The following MAGI2 variants were observed in gnomAD, a reference collection of about 807,000 sequenced individuals.
The protein encoded by MAGI2 is membrane-associated guanylate kinase, WW and PDZ domain-containing protein 2.
In MAGI2, 35 loss-of-function variants were observed where a neutral mutation model predicts 133.3. That is an observed-to-expected ratio of 0.26 (90% CI 0.20 to 0.35). MAGI2 has a LOEUF of 0.35. MAGI2 is among the 10% of genes least tolerant of loss of function. MAGI2 has a pLI of 1.00. For synonymous variants in MAGI2, 729 were observed against 710.6 expected (o/e 1.03, Z -0.41); for missense variants, 1,636 against 1,863.4 (o/e 0.88, Z 2.25).
intron 1 of MAGI2, among the ~76,000 whole-genome samples, chr7:79,179,415 GAAAAAACAATC>G (rs1562967322): frequency 1.3e-5 from 2 of 151,732 alleles, no homozygotes; most frequent in Non-Finnish European, 2.9e-5. Flanking sequence ...CACAGAAATA[GAAAAAACAATC>G]ATACAATTCA....
At chr7:78,855,460 T>G (rs1375963691) in intron 2 of MAGI2, among the ~76,000 whole-genome samples, 1 of 152,080 alleles carries the variant, frequency 6.6e-6, no homozygotes, top group Admixed American at 6.6e-5. Flanking sequence ...TGTATCCAAG[T>G]GTTCTCATTG....
Position 78,720,888 on chromosome 7 carries a change from G to A in MAGI2, c.419-93649C>T, listed in dbSNP as rs186577406. ...AGGATATAAAAATAGCAAGTGTGAT[G>A]AATGGATCATAAAATTGTTCCTTCT... is the stretch of plus-strand genomic sequence containing the variant. On this transcript the variant is annotated intron_variant, in intron 2 of 21. Coordinates refer to ENST00000354212, the MANE Select transcript of MAGI2 (RefSeq NM_012301.4). Among the ~76,000 whole-genome samples, 10 of 152,204 alleles carry A rather than the reference G, an allele frequency of 6.6e-5. No individual in the cohort carries two copies. In the East Asian group the frequency reaches 1.9e-3, roughly 29 times the overall value.
intron 6 of MAGI2, among the ~76,000 whole-genome samples, chr7:78,414,126 G>A (rs948340620): frequency 6.6e-6 from 1 of 151,902 alleles, no homozygotes; most frequent in Non-Finnish European, 1.5e-5. Context: ...GTTGATGTAT[G>A]GAAATATTTA....
chr7:78,869,420 C>G (rs10266354), intron 2 of MAGI2, among the ~76,000 whole-genome samples: 2,485 of 152,206 alleles, frequency 0.016, 65 homozygotes, highest in African/African-American at 0.056. Flanking sequence ...AGATGAGAAT[C>G]TAGTTTCATT....
chr7:79,290,049 T>C (rs1836342279), intron 1 of MAGI2, among the ~76,000 whole-genome samples: 1 of 152,080 alleles, frequency 6.6e-6, no homozygotes. Flanking sequence ...ATACAAAATC[T>C]ATATGCCCAG....
At chr7:79,414,367 G>C (rs1443084694) in intron 1 of MAGI2, 1 of 151,916 alleles carries the variant, frequency 6.6e-6, no homozygotes, top group East Asian at 1.9e-4. Flanking sequence ...TGTTTTTACT[G>C]CTTGGCAGAG....
chr7:78,458,394 A>G (rs1165117069), intron 6 of MAGI2, among the ~76,000 whole-genome samples: 1 of 152,064 alleles, frequency 6.6e-6, no homozygotes, highest in African/African-American at 2.4e-5. Flanking sequence ...ACAGGCTTGA[A>G]GGGCAGTCAC....
chr7:79,376,615 G>C (rs970988829), intron 1 of MAGI2, among the ~76,000 whole-genome samples: 11 of 151,830 alleles, frequency 7.2e-5, no homozygotes, highest in Non-Finnish European at 1.3e-4. Flanking sequence ...TAGATGCCTG[G>C]GACAAAGGGA....
intron 1 of MAGI2, among the ~76,000 whole-genome samples, chr7:79,121,854 C>T (rs1282371425): frequency 6.6e-6 from 1 of 152,170 alleles, no homozygotes; most frequent in Admixed American, 6.5e-5. Context: ...AAGAAAATGA[C>T]ATAATGACCC....
chr7:78,114,513 G>A (rs1244475385), intron 20 of MAGI2, among the ~76,000 whole-genome samples: 3 of 152,222 alleles, frequency 2.0e-5, no homozygotes, highest in Admixed American at 2.0e-4. Context: ...CAGGATATGA[G>A]CAAGCTATGA....
intron 1 of MAGI2, among the ~76,000 whole-genome samples, chr7:79,141,733 C>T (rs1372570964): frequency 1.3e-5 from 2 of 151,014 alleles, no homozygotes; most frequent in Non-Finnish European, 1.5e-5. Context: ...GTTGAATTCT[C>T]GTTGGCTTTG....
chr7:78,732,269 C>T (rs745469792), intron 2 of MAGI2, among the ~76,000 whole-genome samples: 1 of 152,042 alleles, frequency 6.6e-6, no homozygotes, highest in South Asian at 2.1e-4. Flanking sequence ...TATTTCATCA[C>T]CTAGTTTTTG....
chr7:78,590,401 C>T (rs1306192460), intron 3 of MAGI2, among the ~76,000 whole-genome samples: 1 of 152,210 alleles, frequency 6.6e-6, no homozygotes, highest in Non-Finnish European at 1.5e-5. Flanking sequence ...CTTGGGTCAT[C>T]TTTACAAATT....
At chr7:79,388,792 G>A (rs991603996) in intron 1 of MAGI2, among the ~76,000 whole-genome samples, 3 of 150,048 alleles carry the variant, frequency 2.0e-5, no homozygotes, top group Non-Finnish European at 4.4e-5. Flanking sequence ...TTCAATATAT[G>A]TCTTGAAATC....
At chr7:78,268,848 C>T (rs1424102024) in intron 9 of MAGI2, among the ~76,000 whole-genome samples, 1 of 152,088 alleles carries the variant, frequency 6.6e-6, no homozygotes, top group African/African-American at 2.4e-5. Context: ...AGGTTTGTTA[C>T]ATAGGTATAC....
At chr7:78,974,213 C>A (rs1308373175) in intron 2 of MAGI2, among the ~76,000 whole-genome samples, 1 of 151,154 alleles carries the variant, frequency 6.6e-6, no homozygotes, top group Non-Finnish European at 1.5e-5. Flanking sequence ...AAAACAAAAA[C>A]CCTATTGAAT....
At chr7:79,347,038 A>T (rs1021309222) in intron 1 of MAGI2, among the ~76,000 whole-genome samples, 3 of 151,872 alleles carry the variant, frequency 2.0e-5, no homozygotes, top group African/African-American at 7.2e-5. Context: ...CGCAGCCATG[A>T]TCCCATCAAT....
intron 9 of MAGI2, among the ~76,000 whole-genome samples, chr7:78,290,166 TAA>T (rs1241245688): frequency 1.3e-5 from 2 of 152,138 alleles, no homozygotes; most frequent in African/African-American, 4.8e-5. Context: ...GCAAATTGGA[TAA>T]AGAGTCAAGA....
At chr7:78,336,638 T>C (rs933527525) in intron 9 of MAGI2, among the ~76,000 whole-genome samples, 1 of 152,118 alleles carries the variant, frequency 6.6e-6, no homozygotes, top group Admixed American at 6.5e-5. Flanking sequence ...GGTGGGAGGA[T>C]GGCTGGAGCC....
Sources: gnomAD v4.1 joint callset for allele counts (sites outside exome capture counted in the v4.1 genomes callset) on GRCh38, gnomAD v4.1.1 for gene constraint, MANE v1.5 for transcripts, NCBI Gene and HGNC (gene_info 2026-07-23, HGNC 2026-07-21) for gene names.